Variants in EML6 observed in about 807,000 individuals in gnomAD.
EML6 encodes echinoderm microtubule-associated protein-like 6.
A neutral mutation model predicts 240.1 loss-of-function variants in EML6; 154 were observed. The observed-to-expected ratio is 0.64, with a 90% CI of 0.56 to 0.73. EML6 has a LOEUF of 0.73. EML6 is among the 30% of genes least tolerant of loss of function. EML6 has a pLI of 0.00. For synonymous variants in EML6, 1,148 were observed against 899.0 expected (o/e 1.28, Z -4.95); for missense variants, 2,964 against 2,474.6 (o/e 1.20, Z -4.20).
Position 54,926,071 on chromosome 2 carries a change from A to C in EML6, c.3676-2242A>C, listed in dbSNP as rs200236968. 5.3e-5 allele frequency among the ~76,000 whole-genome samples: 8 copies of C among 152,318 alleles called. No individual in the cohort carries two copies. The East Asian group carries it at 7.7e-4, about 15-fold the overall frequency. On this transcript the variant is annotated intron_variant, in intron 26 of 41. Transcript: ENST00000356458. ...GATTCTCAGGAATTTCTTCCCTACA[A>C]GGGATTGACAACCACTACTCTGGAG... is the stretch of plus-strand genomic sequence containing the variant.
intron 29 of EML6, among the ~76,000 whole-genome samples, chr2:54,949,620 A>G (rs932337545): frequency 9.9e-5 from 15 of 152,116 alleles, no homozygotes; most frequent in East Asian, 1.9e-4. Context: ...ACATGCCCCA[A>G]TGCCTCCAGA....
At chr2:54,913,862 GTTC>G (rs1353343135) in intron 25 of EML6, among the ~76,000 whole-genome samples, 10 of 152,076 alleles carry the variant, frequency 6.6e-5, no homozygotes, top group Non-Finnish European at 1.5e-5. Context: ...GTCCAGTTTC[GTTC>G]TTCTGCATAC....
chr2:54,850,243 G>A lies in EML6; in HGVS notation c.1444+25G>A, dbSNP rs1169573198. 3.2e-6 allele frequency: 5 copies of A among 1,541,350 alleles called. No individual in the cohort carries two copies. In the African/African-American group the frequency reaches 5.5e-5, roughly 17 times the overall value. On this transcript the variant is annotated intron_variant, in intron 10 of 41. Transcript: ENST00000356458. The stretch of plus-strand genomic sequence containing the variant: ...TGTAAGTCATGTGGAGGCCTTGGAT[G>A]TTTCTGGAAAGCAAAATTTTGAACC...
chr2:54,822,012 AC>A (rs1668357565), intron 5 of EML6, among the ~76,000 whole-genome samples: 1 of 152,148 alleles, frequency 6.6e-6, no homozygotes, highest in African/African-American at 2.4e-5. Flanking sequence ...AAAGAGGGAA[AC>A]CGCAAACTAG....
At chr2:54,896,028 G>T (rs1672745107) in intron 21 of EML6, among the ~76,000 whole-genome samples, 2 of 152,180 alleles carry the variant, frequency 1.3e-5, no homozygotes, top group African/African-American at 4.8e-5. Context: ...TCAAAGGGAG[G>T]TGATTATGCA....
At chr2:54,754,094 C>T (rs1246699006) in intron 2 of EML6, among the ~76,000 whole-genome samples, 1 of 151,496 alleles carries the variant, frequency 6.6e-6, no homozygotes, top group East Asian at 2.0e-4. Flanking sequence ...GAGATCACAC[C>T]ACTGCATTCC....
chr2:54,943,487 C>A (rs1675532522), intron 28 of EML6, among the ~76,000 whole-genome samples: 1 of 152,186 alleles, frequency 6.6e-6, no homozygotes, highest in South Asian at 2.1e-4. Context: ...CACATTTCTG[C>A]CGTCACCTTC....
intron 25 of EML6, among the ~76,000 whole-genome samples, 188 bp from the exon 26 acceptor site, chr2:54,916,571 G>A (rs1324080488): frequency 6.6e-6 from 1 of 152,228 alleles, no homozygotes; most frequent in Non-Finnish European, 1.5e-5. Context: ...TTTGACTGCA[G>A]TGTTGGCTTC....
At chr2:54,864,358 T>C (rs1474019554) in intron 13 of EML6, among the ~76,000 whole-genome samples, 1 of 152,200 alleles carries the variant, frequency 6.6e-6, no homozygotes, top group East Asian at 1.9e-4. Flanking sequence ...AATTATCTAC[T>C]TAAAGTAAAA....
chr2:54,736,329 C>T (rs904505020), intron 2 of EML6, among the ~76,000 whole-genome samples: 1 of 152,204 alleles, frequency 6.6e-6, no homozygotes, highest in Non-Finnish European at 1.5e-5. Context: ...CAATGCCAGA[C>T]TTCTCAGAAG....
At chr2:54,927,415 G>T (rs1674611384) in intron 26 of EML6, among the ~76,000 whole-genome samples, 1 of 152,168 alleles carries the variant, frequency 6.6e-6, no homozygotes, top group South Asian at 2.1e-4. Flanking sequence ...CTGGGATACT[G>T]GTGACTCTGT....
chr2:54,807,712 G>A (rs888142939), intron 2 of EML6, among the ~76,000 whole-genome samples: 23 of 152,118 alleles, frequency 1.5e-4, no homozygotes, highest in African/African-American at 5.1e-4. Context: ...ACCAAGTGAC[G>A]AGCTTTCAGT....
chr2:54,962,207 A>G (rs772137298), intron 35 of EML6, among the ~76,000 whole-genome samples: 2 of 151,552 alleles, frequency 1.3e-5, no homozygotes, highest in Non-Finnish European at 2.9e-5. Flanking sequence ...AGTTTTTCTA[A>G]TAATAGTGGT....
intron 11 of EML6, among the ~76,000 whole-genome samples, chr2:54,856,940 A>C (rs1274951345): frequency 6.6e-6 from 1 of 152,162 alleles, no homozygotes; most frequent in East Asian, 1.9e-4. Context: ...AGAGATACAG[A>C]AAGGTTGGTC....
intron 14 of EML6, chr2:54,867,118 G>A (rs1315388240): frequency 2.9e-6 from 1 of 344,438 alleles, no homozygotes; most frequent in African/African-American, 2.1e-5. Flanking sequence ...AGATTTCTCA[G>A]ACTTCATATA....
chr2:54,907,925 TAGATAGATAGATAGATAGATAAGA>T (rs1673414024), intron 24 of EML6, among the ~76,000 whole-genome samples: 1 of 51,560 alleles, frequency 1.9e-5, no homozygotes, highest in Non-Finnish European at 4.5e-5. Context: ...GATAGATAGA[TAGATAGATAGATAGATAGATAAGA>T]TAGATAGATA....
intron 17 of EML6, chr2:54,882,712 G>A (rs1671885109): frequency 6.6e-6 from 1 of 151,432 alleles, no homozygotes; most frequent in Non-Finnish European, 1.5e-5. Flanking sequence ...CAAAAAATTA[G>A]CCAGGCCTGG....
intron 28 of EML6, among the ~76,000 whole-genome samples, chr2:54,930,612 A>C (rs1028960244): frequency 1.3e-5 from 2 of 152,144 alleles, no homozygotes; most frequent in African/African-American, 4.8e-5. Flanking sequence ...AATTCACACC[A>C]GGATTTAGTG....
At position 54,946,010 on chromosome 2, in the gene EML6, G is replaced by A. The variant is rs188696937; in HGVS notation, c.4005-2872G>A. On this transcript the variant is annotated intron_variant, in intron 28 of 41. Coordinates refer to ENST00000356458, the MANE Select transcript of EML6 (RefSeq NM_001039753.4). ...CTTGTTACTCAACACCAAGCCCCAG[G>A]CTGGAGTTCACAGCCTCTCCCTGGG... Among the ~76,000 whole-genome samples the A allele has an allele frequency of 1.8e-4, 27 of 152,334 alleles. 1 individual carries two copies. The East Asian group carries it at 5.0e-3, about 28-fold the overall frequency.
Sources: allele counts gnomAD v4.1 joint callset (sites outside exome capture counted in the v4.1 genomes callset), GRCh38; gene constraint gnomAD v4.1.1; transcripts MANE v1.5; gene names NCBI Gene and HGNC (gene_info 2026-07-23, HGNC 2026-07-21).